Variants in ZFC3H1 observed in about 807,000 individuals in gnomAD.
The protein encoded by ZFC3H1 is zinc finger C3H1-type containing.
ZFC3H1 carries 71 observed loss-of-function variants against 243.7 expected under a neutral mutation model. That is an observed-to-expected ratio of 0.29 (90% confidence interval 0.24 to 0.36). ZFC3H1 has a LOEUF of 0.36. Among genes scored for constraint, ZFC3H1 ranks in the 10% least tolerant of loss-of-function variants. The pLI, the probability that ZFC3H1 is intolerant of heterozygous loss-of-function variation, is 1.00. For synonymous variants in ZFC3H1, 838 were observed against 813.0 expected (o/e 1.03, Z -0.52); for missense variants, 1,966 against 2,317.1 (o/e 0.85, Z 3.11).
chr12:71,657,498 G>T (rs553067763), intron 1 of ZFC3H1, among the ~76,000 whole-genome samples, 197 bp from the exon 2 acceptor site: 1 of 152,256 alleles, frequency 6.6e-6, no homozygotes, highest in South Asian at 2.1e-4. Flanking sequence ...TTTGAATTTA[G>T]TAAGTACCAT....
chr12:71,632,130 A>G lies in ZFC3H1; in HGVS notation c.3202T>C (p.Cys1068Arg). Residue 1068 changes from cysteine (C) to arginine (R), a missense_variant, in exon 15 of 35, where the codon TGC (cysteine) becomes CGC (arginine). Transcript: ENST00000378743. ...LKHTDTANKE[C>R]INKLNKNTVE... is the part of the protein sequence containing the mutation. ...GTATTTTTATTAAGTTTGTTTATGC[A>G]TTCTTTGTTAGCAGTATCAGTGTGC... is the stretch of plus-strand genomic sequence containing the variant. The G allele has an allele frequency of 3.1e-6, 5 of 1,609,744 alleles. No individual in the cohort carries two copies. Among genetic ancestry groups the G allele is most frequent in the Non-Finnish European group, 4.2e-6 (5 of 1,178,866 alleles).
In ZFC3H1 at chr12:71,609,618, T is replaced by C. The variant is rs1384616596; in HGVS notation, c.*810A>G. 1 of 152,176 alleles carries C rather than the reference T, an allele frequency of 6.6e-6. No individual in the cohort carries two copies. Among genetic ancestry groups the C allele is most frequent in the Non-Finnish European group, 1.5e-5 (1 of 68,010 alleles). 9.4% of individuals were successfully genotyped at this position (152,176 alleles called of 1,614,324 possible). A position where few individuals can be genotyped will look rare whatever the true frequency, so the allele number is the denominator to read the frequency against. ...CAAGAGTTTTTAGAAAGTTAACTTA[T>C]ATTAAAAAAGTATATAAACAATTTC... On this transcript the variant is annotated 3_prime_UTR_variant, in exon 35 of 35. Coordinates refer to ENST00000378743, the MANE Select transcript of ZFC3H1 (RefSeq NM_144982.5).
rs1880435410 is a variant in ZFC3H1 at position 71,635,464 on chromosome 12, T to C, written c.2217A>G (p.Lys739=). The C allele has an allele frequency of 6.3e-7, 1 of 1,576,926 alleles. No homozygotes were observed. The highest frequency in any genetic ancestry group is 8.6e-7 in the Non-Finnish European group (1 of 1,167,144). The change falls in exon 10 of 35, where the codon AAA becomes AAG. Residue 739 remains lysine (K), a synonymous_variant. Coordinates refer to ENST00000378743, the MANE Select transcript of ZFC3H1 (RefSeq NM_144982.5). ...TTACCTCAGCAGTTCGTCTTGCTTCTTTAATCATGGACTCTAATCCACCAA... is the reference window on the plus strand; with the variant it reads ...TTACCTCAGCAGTTCGTCTTGCTTCCTTAATCATGGACTCTAATCCACCAA... ...SVFGGLESMI[K]EARRTAEQAS...
Position 71,663,653 on chromosome 12 carries a change from G to C in ZFC3H1, c.-43C>G, listed in dbSNP as rs1341267510. 1.3e-6 allele frequency: 2 copies of C among 1,574,584 alleles called. No individual in the cohort carries two copies. Among genetic ancestry groups the C allele is most frequent in the East Asian group, 4.5e-5 (2 of 44,540 alleles). On this transcript the variant is annotated 5_prime_UTR_variant, in exon 1 of 35. Transcript: ENST00000378743. The stretch of plus-strand genomic sequence containing the variant: ...CCACACAACCTTAGCCCTCCGTCCG[G>C]GGATCCGCCCGACAATTGCCTCGTT...
intron 30 of ZFC3H1, chr12:71,613,734 G>A: frequency 4.6e-6 from 1 of 217,574 alleles, no homozygotes; most frequent in Non-Finnish European, 9.0e-6. Flanking sequence ...AAGTCATAGG[G>A]CTAATAATAC....
At chr12:71,651,040 A>T (rs1880870499) in intron 2 of ZFC3H1, among the ~76,000 whole-genome samples, 1 of 152,176 alleles carries the variant, frequency 6.6e-6, no homozygotes, top group South Asian at 2.1e-4. Context: ...GCGATGCCCA[A>T]ACTTCAGCAT....
intron 6 of ZFC3H1, among the ~76,000 whole-genome samples, chr12:71,641,518 T>C (rs1880602825): frequency 6.6e-6 from 1 of 152,212 alleles, no homozygotes; most frequent in Non-Finnish European, 1.5e-5. Context: ...CTTAAGTGTT[T>C]TAAATTATTT....
chr12:71,632,534 C>A lies in ZFC3H1; in HGVS notation c.2818-20G>T. The A allele has an allele frequency of 2.6e-6, 4 of 1,527,094 alleles. No individual in the cohort carries two copies. Among genetic ancestry groups the A allele is most frequent in the South Asian group, 2.6e-5 (2 of 76,972 alleles). 94.6% of individuals were successfully genotyped at this position (1,527,094 alleles called of 1,614,324 possible). Reference sequence around the variant, plus strand: ...GTTTGGCTAAGGGAGAAAAATGATACACGTATTTTACATCACTGTGATTTT... The same window carrying A: ...GTTTGGCTAAGGGAGAAAAATGATAAACGTATTTTACATCACTGTGATTTT... On this transcript the variant is annotated intron_variant, in intron 14 of 34. Transcript: ENST00000378743.
rs55719302 is a variant in ZFC3H1, at chr12:71,626,209, T to TACACAC, written c.4317+45_4317+50dup. On this transcript the variant is annotated intron_variant, in intron 22 of 34. Coordinates refer to ENST00000378743, the MANE Select transcript of ZFC3H1 (RefSeq NM_144982.5). ...ATTTTTAAGATGATCCAAATAATTATACACACACACACACACACACACACA... is the reference window on the plus strand; with the variant it reads ...ATTTTTAAGATGATCCAAATAATTATACACACACACACACACACACACACACACACA... The TACACAC allele has an allele frequency of 3.5e-3, 3,811 of 1,087,976 alleles. 27 individuals are homozygous for TACACAC. The highest frequency in any genetic ancestry group is 0.023 in the African/African-American group (1,568 of 66,780). The allele number at this position is 1,087,976 out of a possible 1,614,324, so 67.4% of individuals were successfully genotyped here.
At chr12:71,662,851 G>C in intron 1 of ZFC3H1, 162 bp downstream of exon 1, 1 of 757,172 alleles carries the variant, frequency 1.3e-6, no homozygotes, top group Non-Finnish European at 2.2e-6. Context: ...ACGCTATAGT[G>C]TGACACATGG....
intron 10 of ZFC3H1, among the ~76,000 whole-genome samples, 196 bp downstream of exon 10, chr12:71,635,247 A>G (rs1035262176): frequency 5.3e-5 from 8 of 152,206 alleles, no homozygotes; most frequent in African/African-American, 1.9e-4. Flanking sequence ...AATAATGGAA[A>G]CTTTTAATAG....
intron 1 of ZFC3H1, among the ~76,000 whole-genome samples, chr12:71,660,882 G>A (rs1881151754): frequency 6.6e-6 from 1 of 151,936 alleles, no homozygotes; most frequent in Non-Finnish European, 1.5e-5. Context: ...GGAGTCTAAG[G>A]AAGGAGGATC....
intron 4 of ZFC3H1, 64 bp downstream of exon 4, chr12:71,644,813 T>C: frequency 3.2e-6 from 5 of 1,555,768 alleles, no homozygotes; most frequent in Non-Finnish European, 4.3e-6. Context: ...AGCAAAACTC[T>C]GTCTCAAAAA....
intron 10 of ZFC3H1, 136 bp from the exon 11 acceptor site, chr12:71,634,961 C>CT: frequency 9.2e-7 from 1 of 1,089,252 alleles, no homozygotes; most frequent in Non-Finnish European, 1.2e-6. Context: ...ATTTTCTATT[C>CT]TTTTTTCTAA....
At chr12:71,652,018 C>T (rs189595755) in intron 2 of ZFC3H1, among the ~76,000 whole-genome samples, 14 of 152,046 alleles carry the variant, frequency 9.2e-5, no homozygotes, top group Admixed American at 7.2e-4. Context: ...TGATCACCTC[C>T]AATAAGAAGC....
rs376058350 is a variant in ZFC3H1 at position 71,644,293 on chromosome 12, T to C, written c.1305A>G (p.Gln435=). The C allele has an allele frequency of 1.3e-4, 203 of 1,613,340 alleles. No homozygotes were observed. Among genetic ancestry groups the C allele is most frequent in the Non-Finnish European group, 1.6e-4 (187 of 1,179,824 alleles). ...GTTGTAGTTTCTTCCATGCCTTTGT[T>C]TGCTGCTTCCTCAATGCTTGTTTAG... The part of the protein sequence containing the change: ...TTAKQALRKQ[Q]TKAWKKLQQQ... Residue 435 remains glutamine, a synonymous_variant, in exon 5 of 35, where the codon CAA becomes CAG. Coordinates refer to ENST00000378743, the MANE Select transcript of ZFC3H1 (RefSeq NM_144982.5).
intron 2 of ZFC3H1, among the ~76,000 whole-genome samples, chr12:71,655,113 T>C (rs1880984894): frequency 6.6e-6 from 1 of 152,126 alleles, no homozygotes; most frequent in South Asian, 2.1e-4. Flanking sequence ...ATCTATAAAT[T>C]CATTTCAAAC....
chr12:71,629,039 T>TAAAGTAGA lies in ZFC3H1; in HGVS notation c.3827-10_3827-3dup. The stretch of plus-strand genomic sequence containing the variant: ...CTTTGTAGGTTGTAAATGGAGGAGC[T>TAAAGTAGA]AAAGTAGATAGGAGAAGATTGTTAA... On this transcript the variant is annotated splice_region_variant and splice_polypyrimidine_tract_variant and intron_variant, in intron 19 of 34. Coordinates refer to ENST00000378743, the MANE Select transcript of ZFC3H1 (RefSeq NM_144982.5). The TAAAGTAGA allele has an allele frequency of 6.2e-7, 1 of 1,600,054 alleles. No individual in the cohort carries two copies.
intron 20 of ZFC3H1, 52 bp downstream of exon 20, chr12:71,628,866 A>G (rs893229349): frequency 5.1e-5 from 77 of 1,520,890 alleles, no homozygotes; most frequent in Admixed American, 1.8e-4. Flanking sequence ...TTAAATAAAG[A>G]TGGAACACCA....
Sources: allele counts gnomAD v4.1 joint callset (sites outside exome capture counted in the v4.1 genomes callset), GRCh38; gene constraint gnomAD v4.1.1; transcripts MANE v1.5; gene names NCBI Gene and HGNC (gene_info 2026-07-23, HGNC 2026-07-21).